Variants in PVT1 observed in about 807,000 individuals in gnomAD.
PVT1 encodes the protein CXCR4/PVT1 fusion.
chr8:127,971,138 C>A (rs995776905), intron 3 of PVT1, among the ~76,000 whole-genome samples: 5 of 152,230 alleles, frequency 3.3e-5, no homozygotes, highest in Non-Finnish European at 5.9e-5. Context: ...CTAAACTGCA[C>A]TTCTGATTTC....
intron 3 of PVT1, among the ~76,000 whole-genome samples, chr8:127,972,885 G>A (rs138391755): frequency 1.2e-4 from 18 of 152,254 alleles, no homozygotes; most frequent in Admixed American, 2.6e-4. Flanking sequence ...AGTTTGAGCT[G>A]TATATTAAAA....
chr8:128,034,046 A>T (rs2130075776), intron 4 of PVT1, among the ~76,000 whole-genome samples: 1 of 149,068 alleles, frequency 6.7e-6, no homozygotes, highest in Middle Eastern at 3.6e-3. Flanking sequence ...AGGTGGTACC[A>T]TCTGCACTTC....
intron 2 of PVT1, among the ~76,000 whole-genome samples, chr8:127,866,077 C>T (rs1052753442): frequency 6.6e-6 from 1 of 151,632 alleles, no homozygotes; most frequent in African/African-American, 2.4e-5. Context: ...GCCAGGATGG[C>T]GTGTTGGTGC....
chr8:127,798,484 G>C (rs1365363636), intron 2 of PVT1, among the ~76,000 whole-genome samples: 2 of 151,986 alleles, frequency 1.3e-5, no homozygotes, highest in Non-Finnish European at 2.9e-5. Context: ...AGACAAAGGG[G>C]CCAAGAGGCC....
intron 2 of PVT1, among the ~76,000 whole-genome samples, chr8:127,839,510 A>T (rs1402447498): frequency 6.6e-6 from 1 of 151,422 alleles, no homozygotes; most frequent in African/African-American, 2.4e-5. Flanking sequence ...TGATTGTGCC[A>T]CTGCACTCCA....
At chr8:127,823,023 A>T (rs1314253194) in intron 2 of PVT1, among the ~76,000 whole-genome samples, 1 of 152,196 alleles carries the variant, frequency 6.6e-6, no homozygotes, top group Non-Finnish European at 1.5e-5. Context: ...TGGCAAGAAG[A>T]TCAAGAGAAG....
intron 4 of PVT1, among the ~76,000 whole-genome samples, chr8:128,008,369 A>G (rs1368418511): frequency 6.6e-6 from 1 of 152,214 alleles, no homozygotes; most frequent in Non-Finnish European, 1.5e-5. Flanking sequence ...TGTTACAAAT[A>G]TCGACTAATG....
At chr8:127,889,120 T>C (rs1815566885) in intron 2 of PVT1, among the ~76,000 whole-genome samples, 1 of 145,584 alleles carries the variant, frequency 6.9e-6, no homozygotes, top group African/African-American at 2.7e-5. Context: ...TCCCTCTCTC[T>C]CTTTCTTTCT....
intron 2 of PVT1, among the ~76,000 whole-genome samples, chr8:127,860,635 C>G (rs1046878318): frequency 2.0e-5 from 3 of 151,840 alleles, no homozygotes; most frequent in Non-Finnish European, 4.4e-5. Context: ...CGTGGTGGCA[C>G]GTGCCTGTAA....
At chr8:127,995,701 T>C (rs973266275) in intron 4 of PVT1, among the ~76,000 whole-genome samples, 1 of 152,208 alleles carries the variant, frequency 6.6e-6, no homozygotes, top group East Asian at 1.9e-4. Context: ...CCAGTAATCA[T>C]GGTAAAAATA....
intron 3 of PVT1, among the ~76,000 whole-genome samples, chr8:127,984,952 C>A: frequency 7.2e-6 from 1 of 139,518 alleles, no homozygotes; most frequent in South Asian, 2.3e-4. Flanking sequence ...TTTCCCCTTC[C>A]TTCCTTCCTT....
At chr8:127,805,269 G>A (rs1303167008) in intron 2 of PVT1, among the ~76,000 whole-genome samples, 2 of 151,932 alleles carry the variant, frequency 1.3e-5, no homozygotes, top group Non-Finnish European at 2.9e-5. Flanking sequence ...TCTGTTCAGT[G>A]ACTGTTTCGT....
intron 3 of PVT1, chr8:127,947,022 T>A (rs1406724841): frequency 2.6e-5 from 4 of 152,322 alleles, no homozygotes; most frequent in African/African-American, 9.6e-5. Context: ...GTTTTCATAA[T>A]ACCTGTGTAC....
chr8:128,056,394 C>T (rs541013138), intron 4 of PVT1, among the ~76,000 whole-genome samples: 5 of 152,288 alleles, frequency 3.3e-5, no homozygotes, highest in African/African-American at 1.2e-4. Flanking sequence ...TCTGCGTATA[C>T]ACCTACATAT....
intron 4 of PVT1, among the ~76,000 whole-genome samples, chr8:128,068,762 G>C (rs567784339): frequency 6.6e-6 from 1 of 152,308 alleles, no homozygotes; most frequent in African/African-American, 2.4e-5. Context: ...AAAGTGTTGG[G>C]ATTACAGGCG....
At chr8:128,071,687 AAAATAAATAAAT>A (rs57815252) in intron 5 of PVT1, among the ~76,000 whole-genome samples, 14 of 139,816 alleles carry the variant, frequency 1.0e-4, no homozygotes, top group South Asian at 2.3e-4. Context: ...CTCTGTCTCT[AAAATAAATAAAT>A]AAATAAATAA....
intron 2 of PVT1, among the ~76,000 whole-genome samples, chr8:127,887,642 C>T (rs1360449499): frequency 1.3e-5 from 2 of 152,200 alleles, no homozygotes; most frequent in Admixed American, 6.5e-5. Flanking sequence ...TCTCGTTCCT[C>T]AGCCTCCCAG....
chr8:128,076,843 C>A (rs1246256976), intron 5 of PVT1, among the ~76,000 whole-genome samples: 1 of 152,216 alleles, frequency 6.6e-6, no homozygotes, highest in African/African-American at 2.4e-5. Context: ...GGAGAATTTG[C>A]AGCTGTCCTG....
At chr8:128,013,992 T>C (rs1414583902) in intron 4 of PVT1, among the ~76,000 whole-genome samples, 1 of 152,208 alleles carries the variant, frequency 6.6e-6, no homozygotes, top group Non-Finnish European at 1.5e-5. Flanking sequence ...TAGACACGTA[T>C]ATGAGGATAG....
Sources: gnomAD v4.1 joint callset for allele counts (sites outside exome capture counted in the v4.1 genomes callset) on GRCh38, gnomAD v4.1.1 for gene constraint, MANE v1.5 for transcripts, NCBI Gene and HGNC (gene_info 2026-07-23, HGNC 2026-07-21) for gene names.